ANKRD28: variants seen among roughly 807,000 people sequenced by gnomAD.
ANKRD28 encodes serine/threonine-protein phosphatase 6 regulatory ankyrin repeat subunit A.
In ANKRD28, 44 loss-of-function variants were observed where a neutral mutation model predicts 126.5. That is an observed-to-expected ratio of 0.35 (90% CI 0.27 to 0.45). The LOEUF is 0.45. Among genes scored for constraint, ANKRD28 ranks in the 20% least tolerant of loss-of-function variants. The pLI, the probability that ANKRD28 is intolerant of heterozygous loss-of-function variation, is 1.00. For missense variants in ANKRD28, 1,110 were observed against 1,316.6 expected (o/e 0.84, Z 2.43); for synonymous variants, 442 against 468.5 (o/e 0.94, Z 0.73).
At chr3:15,776,809 G>A (rs1248307688) in intron 2 of ANKRD28, among the ~76,000 whole-genome samples, 2 of 152,176 alleles carry the variant, frequency 1.3e-5, no homozygotes, top group African/African-American at 4.8e-5. Flanking sequence ...GGTTATGAAA[G>A]TGTAACCATT....
chr3:15,799,659 AG>A (rs1199271552), upstream of ANKRD28, among the ~76,000 whole-genome samples: 1 of 152,062 alleles, frequency 6.6e-6, no homozygotes, highest in East Asian at 1.9e-4. Flanking sequence ...AAGCCCACAA[AG>A]CAAAATCTCT....
rs184068738 is a variant in ANKRD28, at chr3:15,826,368, T to A, written c.28-31062A>T. Among the ~76,000 whole-genome samples, 24 of 152,314 alleles carry A rather than the reference T, an allele frequency of 1.6e-4. No homozygotes were observed. The South Asian group carries it at 4.4e-3, about 28-fold the overall frequency. On this transcript the variant is annotated intron_variant, in intron 1 of 27. Transcript: ENST00000399451. Reference sequence around the variant, plus strand: ...AGATATATAGAAATTACAACAAATGTATTATCATGGATAAATTTTAAAAGC... The same window carrying A: ...AGATATATAGAAATTACAACAAATGAATTATCATGGATAAATTTTAAAAGC...
chr3:15,821,981 T>C (rs1436326337), intron 1 of ANKRD28, among the ~76,000 whole-genome samples: 1 of 152,108 alleles, frequency 6.6e-6, no homozygotes, highest in Non-Finnish European at 1.5e-5. Context: ...AGGTAACAAC[T>C]GGGGCAAACA....
chr3:15,742,837 G>A (rs1442599504), intron 4 of ANKRD28, among the ~76,000 whole-genome samples: 1 of 147,084 alleles, frequency 6.8e-6, no homozygotes, highest in Non-Finnish European at 1.5e-5. Flanking sequence ...GGGAAGTGAG[G>A]AGCCCCTCTG....
At chr3:15,808,274 T>C (rs1409224602) in intron 1 of ANKRD28, among the ~76,000 whole-genome samples, 2 of 152,220 alleles carry the variant, frequency 1.3e-5, no homozygotes, top group African/African-American at 4.8e-5. Flanking sequence ...ATGCCAGAAA[T>C]GAAGTATTAC....
Position 15,737,183 on chromosome 3 carries a change from G to A in ANKRD28, c.402C>T (p.Asp134=). ...TATGTAAAGGGGTTTGCCAATTTTT[G>A]TCTCGAGCATTAACATCTGCAGAAT... The part of the protein sequence containing the change: ...LKHSADVNAR[D]KNWQTPLHIA... The change falls in exon 5 of 28, where the codon GAC becomes GAT. Residue 134 remains aspartate, a synonymous_variant. Transcript: ENST00000683139. 6.2e-7 allele frequency: 1 copy of A among 1,613,936 alleles called. No homozygotes were observed. Among genetic ancestry groups the A allele is most frequent in the South Asian group, 1.1e-5 (1 of 91,084 alleles).
At chr3:15,823,157 C>T (rs1003192839) in intron 1 of ANKRD28, among the ~76,000 whole-genome samples, 5 of 152,196 alleles carry the variant, frequency 3.3e-5, no homozygotes, top group African/African-American at 1.2e-4. Flanking sequence ...AATCGTTTCA[C>T]CTCAAATCAT....
In ANKRD28 at chr3:15,792,713, G is replaced by A. The variant is rs2060089662; in HGVS notation, c.201+2510C>T. 2.6e-5 allele frequency among the ~76,000 whole-genome samples: 4 copies of A among 152,194 alleles called. 1 individual carries two copies. The Middle Eastern group carries it at 0.01, about 388-fold the overall frequency. On this transcript the variant is annotated intron_variant, in intron 2 of 27. Coordinates refer to ENST00000683139, the MANE Select transcript of ANKRD28 (RefSeq NM_001349278.2). ...TTAAAATAACTTAAATAATGTAATT[G>A]GAATGTTTGTAACTCAAAGGATAAA...
chr3:15,767,793 CAGG>C (rs1290497558), intron 2 of ANKRD28, among the ~76,000 whole-genome samples: 2 of 140,484 alleles, frequency 1.4e-5, no homozygotes, highest in African/African-American at 5.3e-5. Flanking sequence ...GAGGCTGAGG[CAGG>C]AGAATAGCAT....
intron 1 of ANKRD28, among the ~76,000 whole-genome samples, chr3:15,834,556 A>G (rs1191253431): frequency 6.6e-6 from 1 of 152,196 alleles, no homozygotes; most frequent in Non-Finnish European, 1.5e-5. Context: ...GAGCTCCTGA[A>G]GAAGTCAATC....
At chr3:15,784,510 A>G (rs886605852) in intron 2 of ANKRD28, among the ~76,000 whole-genome samples, 9 of 152,026 alleles carry the variant, frequency 5.9e-5, no homozygotes, top group African/African-American at 2.2e-4. Flanking sequence ...TTAAAAAAAA[A>G]AGAGGTATAA....
chr3:15,750,596 T>C (rs758248108), intron 4 of ANKRD28, among the ~76,000 whole-genome samples: 2 of 152,198 alleles, frequency 1.3e-5, no homozygotes, highest in Admixed American at 6.5e-5. Flanking sequence ...AGCTAATAGA[T>C]TGCCTCTGTT....
intron 2 of ANKRD28, among the ~76,000 whole-genome samples, chr3:15,769,511 G>A (rs910301436): frequency 2.0e-5 from 3 of 152,030 alleles, no homozygotes; most frequent in South Asian, 2.1e-4. Flanking sequence ...ACTGTAGGAG[G>A]CAAAATGCTA....
chr3:15,791,909 C>G (rs2060045835), intron 2 of ANKRD28, among the ~76,000 whole-genome samples: 1 of 152,006 alleles, frequency 6.6e-6, no homozygotes, highest in African/African-American at 2.4e-5. Context: ...AGGAAAAAAC[C>G]TAATAATCTG....
chr3:15,729,912 C>T (rs1039533034), intron 6 of ANKRD28, among the ~76,000 whole-genome samples: 13 of 152,096 alleles, frequency 8.5e-5, no homozygotes, highest in East Asian at 1.9e-4. Context: ...ATTTTTGAGA[C>T]GGTTTTGGCT....
At chr3:15,778,509 G>C (rs569637807) in intron 2 of ANKRD28, among the ~76,000 whole-genome samples, 108 of 152,264 alleles carry the variant, frequency 7.1e-4, no homozygotes, top group African/African-American at 2.5e-3. Context: ...CCAGTTGTCA[G>C]CCAGAGGTCA....
chr3:15,713,011 G>A (rs1434328490), intron 10 of ANKRD28, among the ~76,000 whole-genome samples: 2 of 152,030 alleles, frequency 1.3e-5, no homozygotes, highest in African/African-American at 2.4e-5. Flanking sequence ...ATTAGCAGGA[G>A]GACTCATCTT....
intron 1 of ANKRD28, among the ~76,000 whole-genome samples, chr3:15,851,143 T>C (rs147011733): frequency 2.6e-4 from 39 of 152,248 alleles, no homozygotes; most frequent in African/African-American, 8.9e-4. Context: ...CCTATATCCT[T>C]ATCACAAATA....
intron 2 of ANKRD28, among the ~76,000 whole-genome samples, chr3:15,789,827 G>T (rs1270610098): frequency 6.6e-6 from 1 of 151,498 alleles, no homozygotes; most frequent in Non-Finnish European, 1.5e-5. Flanking sequence ...ATCTATTAGG[G>T]AAACAAAAAG....
Sources: gnomAD v4.1 joint callset for allele counts (sites outside exome capture counted in the v4.1 genomes callset) on GRCh38, gnomAD v4.1.1 for gene constraint, MANE v1.5 for transcripts, NCBI Gene and HGNC (gene_info 2026-07-23, HGNC 2026-07-21) for gene names.